COL23A1: variants seen among roughly 807,000 people sequenced by gnomAD.
COL23A1 encodes collagen alpha-1(XXIII) chain.
In COL23A1, 97 loss-of-function variants were observed where a neutral mutation model predicts 99.3. The observed-to-expected ratio is 0.98, with a 90% CI of 0.83 to 1.16. The LOEUF (loss-of-function observed/expected upper bound fraction) is 1.16, where lower values mean the gene tolerates loss of function less well. Among genes scored for constraint, COL23A1 ranks in the 50% most tolerant of loss-of-function variants. The pLI is 0.00. For synonymous variants in COL23A1, 320 were observed against 308.2 expected (o/e 1.04, Z -0.40); for missense variants, 762 against 757.4 (o/e 1.01, Z -0.07).
intron 2 of COL23A1, among the ~76,000 whole-genome samples, chr5:178,556,060 C>T (rs1405523850): frequency 1.3e-5 from 2 of 152,352 alleles, no homozygotes; most frequent in East Asian, 3.9e-4. Context: ...AGCACACACG[C>T]AGCCCTGTCT....
chr5:178,436,898 G>T (rs1489372348), intron 2 of COL23A1, among the ~76,000 whole-genome samples: 2 of 152,212 alleles, frequency 1.3e-5, no homozygotes, highest in Non-Finnish European at 2.9e-5. Context: ...CTGCACAGTG[G>T]TAGACGGTGG....
At chr5:178,377,371 T>C (rs766857880) in intron 2 of COL23A1, among the ~76,000 whole-genome samples, 9 of 152,176 alleles carry the variant, frequency 5.9e-5, no homozygotes, top group Non-Finnish European at 1.3e-4. Context: ...TTTTAAGAAG[T>C]GAAATTCTGG....
At position 178,589,938 on chromosome 5, in the gene COL23A1, C is replaced by G. The variant is rs1764183712; in HGVS notation, c.260G>C (p.Trp87Ser). The G allele has an allele frequency of 7.5e-7, 1 of 1,331,312 alleles. No individual in the cohort carries two copies. Among genetic ancestry groups the G allele is most frequent in the Admixed American group, 4.0e-5 (1 of 25,172 alleles). 82.5% of individuals were successfully genotyped at this position (1,331,312 alleles called of 1,614,324 possible). A position where few individuals can be genotyped will look rare whatever the true frequency, so the allele number is the denominator to read the frequency against. ...CAGGCGCTCCAGGTGCGGCTCGGCC[C>G]AGGCGTCCAGGGCGCCTGGCGGCCC... ...RAGPPGALDAWAEPHLERLLR... is the reference protein window; with the variant it reads ...RAGPPGALDASAEPHLERLLR... Residue 87 changes from tryptophan to serine, a missense_variant, in exon 1 of 29, where the codon TGG (tryptophan) becomes TCG (serine). Transcript: ENST00000390654. The surrounding 1 kb of genome is among the most constrained non-coding windows in gnomAD (Gnocchi z 5.4).
At chr5:178,356,860 C>A (rs1223921314) in intron 2 of COL23A1, among the ~76,000 whole-genome samples, 1 of 152,164 alleles carries the variant, frequency 6.6e-6, no homozygotes, top group Non-Finnish European at 1.5e-5. Flanking sequence ...CTGGTCCCCA[C>A]TGCAACCCCC....
Position 178,310,017 on chromosome 5 carries a change from G to A in COL23A1, c.362-3098C>T, listed in dbSNP as rs765526148. 5.3e-4 allele frequency among the ~76,000 whole-genome samples: 81 copies of A among 152,324 alleles called. No individual in the cohort carries two copies. The highest frequency in any genetic ancestry group is 1.0e-3 in the Non-Finnish European group (69 of 68,018). On this transcript the variant is annotated intron_variant, in intron 2 of 28. Transcript: ENST00000390654. The surrounding 1 kb of genome is among the most constrained non-coding windows in gnomAD (Gnocchi z 4.3). Reference sequence around the variant, plus strand: ...TCCTCACTGCTTCTGGGATTCTCCTGAAAAGACTGCAAGTCCAGCAAGCTC... The same window carrying A: ...TCCTCACTGCTTCTGGGATTCTCCTAAAAAGACTGCAAGTCCAGCAAGCTC...
chr5:178,337,014 A>G (rs1760360734), intron 2 of COL23A1, among the ~76,000 whole-genome samples: 1 of 152,200 alleles, frequency 6.6e-6, no homozygotes, highest in Admixed American at 6.5e-5. Context: ...AGCTGCTCAG[A>G]GCGGCGGAAA....
intron 2 of COL23A1, among the ~76,000 whole-genome samples, chr5:178,469,449 C>T (rs150469610): frequency 6.6e-6 from 1 of 152,294 alleles, no homozygotes; most frequent in Non-Finnish European, 1.5e-5. Flanking sequence ...TTCTACGAAG[C>T]TCCATCACAC....
intron 12 of COL23A1, among the ~76,000 whole-genome samples, chr5:178,258,207 T>A (rs1765413483): frequency 7.0e-6 from 1 of 142,380 alleles, no homozygotes; most frequent in African/African-American, 2.6e-5. Context: ...GCATCACAGC[T>A]TGGGTGACAG....
At position 178,255,362 on chromosome 5, in the gene COL23A1, C is replaced by T. The variant is rs1264363716; in HGVS notation, c.883-336G>A. ...AATGTTGGCAACAAACAGAAAAGCC[C>T]CAAACCCTCCAAAACACAAAGACAT... On this transcript the variant is annotated intron_variant, in intron 15 of 28. Transcript: ENST00000390654. This position sits in a 1 kb window ranked among gnomAD's most constrained non-coding sequence, Gnocchi z 4.2. Among the ~76,000 whole-genome samples, 2 of 152,182 alleles carry T rather than the reference C, an allele frequency of 1.3e-5. No homozygotes were observed. Among genetic ancestry groups the T allele is most frequent in the African/African-American group, 4.8e-5 (2 of 41,434 alleles).
intron 2 of COL23A1, among the ~76,000 whole-genome samples, chr5:178,425,612 C>T (rs1030331922): frequency 2.0e-5 from 3 of 152,036 alleles, no homozygotes; most frequent in African/African-American, 4.8e-5. Flanking sequence ...GTGGTGCAAC[C>T]GGCCAACACA....
intron 1 of COL23A1, among the ~76,000 whole-genome samples, chr5:178,567,682 G>A (rs1444714558): frequency 6.6e-6 from 1 of 152,200 alleles, no homozygotes; most frequent in Non-Finnish European, 1.5e-5. Flanking sequence ...AGTGAGCAGA[G>A]ATTGTGCCAC....
At chr5:178,520,778 C>T (rs1052889631) in intron 2 of COL23A1, among the ~76,000 whole-genome samples, 10 of 152,266 alleles carry the variant, frequency 6.6e-5, no homozygotes, top group East Asian at 1.9e-4. Context: ...ACTCTGTGCA[C>T]GACCCCAGCA....
At chr5:178,357,772 GTGTGTA>G (rs1185124998) in intron 2 of COL23A1, among the ~76,000 whole-genome samples, 10 of 146,726 alleles carry the variant, frequency 6.8e-5, no homozygotes, top group Non-Finnish European at 1.2e-4. Flanking sequence ...GTGTATGTAT[GTGTGTA>G]TGTGTATGTG....
At chr5:178,576,989 C>A (rs924319059) in intron 1 of COL23A1, among the ~76,000 whole-genome samples, 1 of 151,944 alleles carries the variant, frequency 6.6e-6, no homozygotes. Flanking sequence ...CGGGGAGCGG[C>A]CCCTCCTCGG....
chr5:178,316,434 G>A (rs1313228842), intron 2 of COL23A1, among the ~76,000 whole-genome samples: 1 of 152,144 alleles, frequency 6.6e-6, no homozygotes, highest in Non-Finnish European at 1.5e-5. Flanking sequence ...AAATTTGAAC[G>A]ATTAAAATTA....
At chr5:178,545,083 C>G (rs6862773) in intron 2 of COL23A1, among the ~76,000 whole-genome samples, 8,503 of 150,402 alleles carry the variant, frequency 0.057, 423 homozygotes, top group Middle Eastern at 0.18. Flanking sequence ...GATCCTGACT[C>G]TAAGGAAACA....
chr5:178,516,835 C>A (rs1478742287), intron 2 of COL23A1, among the ~76,000 whole-genome samples: 1 of 152,192 alleles, frequency 6.6e-6, no homozygotes, highest in East Asian at 1.9e-4. Context: ...CACCTCACAC[C>A]TATCCTGAAG....
chr5:178,461,021 G>C (rs1004382297), intron 2 of COL23A1, among the ~76,000 whole-genome samples: 4 of 152,292 alleles, frequency 2.6e-5, no homozygotes, highest in Admixed American at 6.5e-5. Flanking sequence ...CCCTTTAAGA[G>C]AGCTGCCCTC....
chr5:178,368,540 T>G (rs118113560), intron 2 of COL23A1, among the ~76,000 whole-genome samples: 1 of 152,204 alleles, frequency 6.6e-6, no homozygotes, highest in African/African-American at 2.4e-5. Context: ...GCCACCGCTA[T>G]AGTATCACAC....
Sources: allele counts gnomAD v4.1 joint callset (sites outside exome capture counted in the v4.1 genomes callset), GRCh38; gene constraint gnomAD v4.1.1; non-coding constraint Gnocchi (gnomAD v3.1); transcripts MANE v1.5; gene names NCBI Gene and HGNC (gene_info 2026-07-23, HGNC 2026-07-21).